Variants in HDAC4 observed in about 807,000 individuals in gnomAD.
HDAC4 encodes the protein histone deacetylase A.
A neutral mutation model predicts 135.1 loss-of-function variants in HDAC4; 16 were observed. That is an observed-to-expected ratio of 0.12 (90% CI 0.08 to 0.18). The LOEUF (loss-of-function observed/expected upper bound fraction) is 0.18. Among genes scored for constraint, HDAC4 ranks in the 10% least tolerant of loss-of-function variants. The pLI is 1.00. For missense variants in HDAC4, 1,143 were observed against 1,511.8 expected, an observed-to-expected ratio of 0.76 and a Z score of 4.05; for synonymous variants, 685 against 653.4, an observed-to-expected ratio of 1.05 and a Z score of -0.74.
chr2:239,163,949 G>T, intron 5 of HDAC4, 26 bp from the exon 6 acceptor site: 1 of 1,613,784 alleles, frequency 6.2e-7, no homozygotes, highest in Non-Finnish European at 8.5e-7. Flanking sequence ...GCATAGCAGG[G>T]GGTGAAGTGT....
chr2:239,234,078 T>G (rs2047747070), intron 3 of HDAC4, among the ~76,000 whole-genome samples: 1 of 152,238 alleles, frequency 6.6e-6, no homozygotes, highest in Non-Finnish European at 1.5e-5. Flanking sequence ...CTTTGCAGTA[T>G]TTTTCAGTGG....
chr2:239,180,399 TCCACGA>T (rs1282337453), intron 4 of HDAC4, among the ~76,000 whole-genome samples: 8 of 151,868 alleles, frequency 5.3e-5, no homozygotes, highest in African/African-American at 1.7e-4. Flanking sequence ...TCAGCCGGTT[TCCACGA>T]CCACCCAGAA....
intron 2 of HDAC4, among the ~76,000 whole-genome samples, chr2:239,281,820 T>TCTACA: frequency 7.6e-6 from 1 of 131,026 alleles, no homozygotes; most frequent in Non-Finnish European, 1.6e-5. Context: ...CACACCACTC[T>TCTACA]CAATGTACAC....
chr2:239,340,673 T>G (rs1417003901), intron 2 of HDAC4, among the ~76,000 whole-genome samples: 3 of 152,112 alleles, frequency 2.0e-5, no homozygotes, highest in African/African-American at 7.2e-5. Context: ...ATGTTTGTGT[T>G]CAGAAAAGAA....
intron 16 of HDAC4, among the ~76,000 whole-genome samples, chr2:239,097,640 G>T (rs1232490060): frequency 6.6e-6 from 1 of 152,268 alleles, no homozygotes; most frequent in African/African-American, 2.4e-5. Context: ...CCTTTGGGAG[G>T]TGCTGGGGCT....
intron 3 of HDAC4, among the ~76,000 whole-genome samples, chr2:239,198,019 A>C (rs577349609): frequency 6.6e-6 from 1 of 151,906 alleles, no homozygotes; most frequent in South Asian, 2.1e-4. Flanking sequence ...TGCCCAGCTA[A>C]TTTCTCTCCC....
intron 25 of HDAC4, 45 bp downstream of exon 25, chr2:239,054,704 C>T (rs760727735): frequency 7.9e-7 from 1 of 1,263,670 alleles, no homozygotes; most frequent in South Asian, 1.2e-5. Flanking sequence ...TGCAGTCCCA[C>T]CCCCAGGGGC....
intron 2 of HDAC4, among the ~76,000 whole-genome samples, chr2:239,281,218 T>A (rs561413581): frequency 1.7e-5 from 2 of 116,834 alleles, no homozygotes; most frequent in African/African-American, 3.4e-5. Flanking sequence ...AACACACCAC[T>A]CTACACACAA....
At chr2:239,161,861 G>T in intron 6 of HDAC4, 1 of 375,934 alleles carries the variant, frequency 2.7e-6, no homozygotes, top group African/African-American at 2.1e-5. Flanking sequence ...CTCTCAGCAC[G>T]TCCCTCAGCG....
At chr2:239,098,923 C>T (rs1453970960) in intron 16 of HDAC4, among the ~76,000 whole-genome samples, 1 of 152,156 alleles carries the variant, frequency 6.6e-6, no homozygotes, top group East Asian at 1.9e-4. Flanking sequence ...GATTTTAAAG[C>T]ACAAAGCTTT....
At chr2:239,145,384 G>A (rs934949230) in intron 7 of HDAC4, among the ~76,000 whole-genome samples, 1 of 147,224 alleles carries the variant, frequency 6.8e-6, no homozygotes, top group Admixed American at 6.6e-5. Context: ...GGCGTGGGTC[G>A]GTTTCTGTGA....
At chr2:239,384,538 G>C (rs1476743504) in intron 1 of HDAC4, among the ~76,000 whole-genome samples, 2 of 151,510 alleles carry the variant, frequency 1.3e-5, no homozygotes, top group Non-Finnish European at 2.9e-5. Context: ...GATGGAGAGA[G>C]CCCAAGAGGT....
At chr2:239,200,079 T>C (rs1405594979) in intron 3 of HDAC4, among the ~76,000 whole-genome samples, 2 of 152,214 alleles carry the variant, frequency 1.3e-5, no homozygotes, top group Non-Finnish European at 2.9e-5. Context: ...GGTCCCTTTC[T>C]TGGGAAATAG....
In HDAC4 at chr2:239,158,214, A is replaced by G. The variant is rs191194090; in HGVS notation, c.612-1441T>C. The stretch of plus-strand genomic sequence containing the variant: ...CAACACTCTTTCTCTACCAAATAGT[A>G]TTTTCAGATTGTATCCTATGGGGAA... On this transcript the variant is annotated intron_variant, in intron 6 of 26. Coordinates refer to ENST00000543185, the MANE Select transcript of HDAC4 (RefSeq NM_001378414.1). Among the ~76,000 whole-genome samples the G allele has an allele frequency of 2.0e-3, 298 of 152,192 alleles. 2 individuals are homozygous for G. The highest frequency in any genetic ancestry group is 7.0e-3 in the African/African-American group (290 of 41,500).
intron 2 of HDAC4, among the ~76,000 whole-genome samples, chr2:239,279,443 A>G (rs1353469027): frequency 6.6e-6 from 1 of 152,246 alleles, no homozygotes; most frequent in East Asian, 1.9e-4. Flanking sequence ...AAAGAAACTA[A>G]GTAATGCTCC....
intron 14 of HDAC4, 60 bp downstream of exon 14, chr2:239,111,466 C>T (rs557156959): frequency 3.8e-5 from 57 of 1,504,668 alleles, no homozygotes; most frequent in East Asian, 1.7e-4. Flanking sequence ...AAGAGCCCCC[C>T]GCGCTGTGCC....
chr2:239,372,633 C>T (rs564783050), intron 1 of HDAC4, among the ~76,000 whole-genome samples: 2 of 152,356 alleles, frequency 1.3e-5, no homozygotes, highest in South Asian at 2.1e-4. Context: ...AGAGTGTACG[C>T]GGCAACACGC....
chr2:239,284,201 G>A (rs1004647075), intron 2 of HDAC4, among the ~76,000 whole-genome samples: 11 of 152,244 alleles, frequency 7.2e-5, no homozygotes, highest in African/African-American at 2.7e-4. Context: ...CACCAGGACA[G>A]TGCCGGTCCT....
At chr2:239,261,813 C>T (rs1166165458) in intron 2 of HDAC4, among the ~76,000 whole-genome samples, 2 of 152,236 alleles carry the variant, frequency 1.3e-5, no homozygotes, top group African/African-American at 4.8e-5. Flanking sequence ...AACCTTCCCT[C>T]GCTCCTTAAC....
Sources: gnomAD v4.1 joint callset for allele counts (sites outside exome capture counted in the v4.1 genomes callset) on GRCh38, gnomAD v4.1.1 for gene constraint, MANE v1.5 for transcripts, NCBI Gene and HGNC (gene_info 2026-07-23, HGNC 2026-07-21) for gene names.